Variants in ST6GALNAC3 observed in about 807,000 individuals in gnomAD.
ST6GALNAC3 encodes the protein alpha-N-acetylgalactosaminide alpha-2,6-sialyltransferase 3.
Under a neutral mutation model 32.7 loss-of-function variants are expected in ST6GALNAC3, and 25 were observed. The ratio of observed to expected loss-of-function variants is 0.76; its 90% confidence interval spans 0.56 to 1.07. The LOEUF (loss-of-function observed/expected upper bound fraction) is 1.07, where lower values mean the gene tolerates loss of function less well. Ranked by LOEUF, ST6GALNAC3 falls within the 50% of genes least tolerant of loss-of-function variation. ST6GALNAC3 has a pLI of 0.00. For missense variants in ST6GALNAC3, 355 were observed against 382.4 expected (o/e 0.93, Z 0.60); for synonymous variants, 129 against 133.1 (o/e 0.97, Z 0.21).
At chr1:76,388,517 T>C (rs1273510400) in intron 2 of ST6GALNAC3, among the ~76,000 whole-genome samples, 1 of 152,220 alleles carries the variant, frequency 6.6e-6, no homozygotes, top group Non-Finnish European at 1.5e-5. Flanking sequence ...TGTAAGGTTC[T>C]CACAGTACTG....
chr1:76,149,987 G>A (rs879578773), intron 1 of ST6GALNAC3, among the ~76,000 whole-genome samples: 1 of 152,200 alleles, frequency 6.6e-6, no homozygotes, highest in African/African-American at 2.4e-5. Flanking sequence ...CTCCTAGGAG[G>A]GACATGGTGG....
At chr1:76,270,250 T>C (rs1344003099) in intron 1 of ST6GALNAC3, among the ~76,000 whole-genome samples, 1 of 152,134 alleles carries the variant, frequency 6.6e-6, no homozygotes, top group East Asian at 1.9e-4. Context: ...CTCACATCTG[T>C]AATCCTAGCA....
At chr1:76,311,329 G>C (rs972220147) in intron 1 of ST6GALNAC3, among the ~76,000 whole-genome samples, 1 of 148,688 alleles carries the variant, frequency 6.7e-6, no homozygotes, top group South Asian at 2.3e-4. Flanking sequence ...TGTGTAGAAT[G>C]TACAGGTTTG....
intron 1 of ST6GALNAC3, among the ~76,000 whole-genome samples, chr1:76,109,905 T>C (rs936124704): frequency 1.1e-4 from 17 of 152,182 alleles, no homozygotes; most frequent in African/African-American, 3.9e-4. Flanking sequence ...ACTAACACAT[T>C]ATGAAGGTAG....
chr1:76,309,766 A>C (rs1192500490), intron 1 of ST6GALNAC3, among the ~76,000 whole-genome samples: 1 of 152,182 alleles, frequency 6.6e-6, no homozygotes, highest in Non-Finnish European at 1.5e-5. Context: ...TGTCCACTGC[A>C]GAATACCACT....
chr1:76,485,839 C>T (rs189434250), intron 3 of ST6GALNAC3, among the ~76,000 whole-genome samples: 34 of 152,248 alleles, frequency 2.2e-4, no homozygotes, highest in Middle Eastern at 3.4e-3. Context: ...TAGATCTTTC[C>T]TGCTTTCTCT....
At chr1:76,146,578 CT>C (rs1250823467) in intron 1 of ST6GALNAC3, among the ~76,000 whole-genome samples, 1 of 152,132 alleles carries the variant, frequency 6.6e-6, no homozygotes, top group Non-Finnish European at 1.5e-5. Flanking sequence ...CATTCAGTTT[CT>C]TTTCTCTCTC....
At chr1:76,620,878 G>T (rs1433942489) in intron 3 of ST6GALNAC3, among the ~76,000 whole-genome samples, 1 of 151,910 alleles carries the variant, frequency 6.6e-6, no homozygotes, top group African/African-American at 2.4e-5. Flanking sequence ...CCATTATTGG[G>T]GTTCCATTGT....
intron 3 of ST6GALNAC3, among the ~76,000 whole-genome samples, chr1:76,564,524 G>A (rs1665430464): frequency 6.6e-6 from 1 of 151,722 alleles, no homozygotes; most frequent in South Asian, 2.1e-4. Context: ...TGCCAAATTG[G>A]TGATATCAAA....
intron 3 of ST6GALNAC3, among the ~76,000 whole-genome samples, chr1:76,589,269 T>G (rs1647010259): frequency 6.6e-6 from 1 of 152,192 alleles, no homozygotes; most frequent in Non-Finnish European, 1.5e-5. Context: ...CTAAACTATT[T>G]CACATGACAA....
In ST6GALNAC3 at chr1:76,084,823, C is replaced by T. The variant is rs72674406; in HGVS notation, c.18+9939C>T. Among the ~76,000 whole-genome samples the T allele has an allele frequency of 6.0e-3, 907 of 152,246 alleles. 7 individuals carry two copies. Among genetic ancestry groups the T allele is most frequent in the South Asian group, 9.1e-3 (44 of 4,826 alleles). On this transcript the variant is annotated intron_variant, in intron 1 of 4. Coordinates refer to ENST00000328299, the MANE Select transcript of ST6GALNAC3 (RefSeq NM_152996.4). ...CATTTTTCTCATGAGATGAACATTT[C>T]GTTATAATAATGACAGTAGCTGTCA...
intron 3 of ST6GALNAC3, among the ~76,000 whole-genome samples, chr1:76,531,204 C>T (rs1237931630): frequency 6.6e-6 from 1 of 152,328 alleles, no homozygotes; most frequent in South Asian, 2.1e-4. Flanking sequence ...ACATGTCAAA[C>T]TCTTGGGCCG....
intron 1 of ST6GALNAC3, among the ~76,000 whole-genome samples, chr1:76,112,541 C>T (rs1648098473): frequency 6.6e-6 from 1 of 151,354 alleles, no homozygotes; most frequent in South Asian, 2.1e-4. Context: ...CCCTCCCGGA[C>T]GGGGTGGCTG....
chr1:76,288,618 G>A (rs1407342840), intron 1 of ST6GALNAC3, among the ~76,000 whole-genome samples: 2 of 152,210 alleles, frequency 1.3e-5, no homozygotes, highest in East Asian at 1.9e-4. Context: ...GAAGAAAACA[G>A]GTCTGGCTGA....
intron 2 of ST6GALNAC3, among the ~76,000 whole-genome samples, chr1:76,378,300 C>A (rs1456314464): frequency 1.3e-5 from 2 of 152,042 alleles, no homozygotes; most frequent in Admixed American, 6.6e-5. Context: ...GTTGATAGAT[C>A]TTTGGATAGA....
rs139966313 is a variant in ST6GALNAC3 at position 76,098,635 on chromosome 1, A to G, written c.18+23751A>G. On this transcript the variant is annotated intron_variant, in intron 1 of 4. Coordinates refer to ENST00000328299, the MANE Select transcript of ST6GALNAC3 (RefSeq NM_152996.4). ...AAAAATGGGTTCTCTTTTACCTTTT[A>G]GGGGGGTAGGAGTGTTTTATATATA... Among the ~76,000 whole-genome samples, 135 of 152,080 alleles carry G rather than the reference A, an allele frequency of 8.9e-4. 2 individuals carry two copies. In the East Asian group the frequency reaches 0.015, roughly 17 times the overall value.
intron 1 of ST6GALNAC3, among the ~76,000 whole-genome samples, chr1:76,139,124 G>A (rs996014981): frequency 7.2e-5 from 11 of 151,968 alleles, no homozygotes; most frequent in African/African-American, 2.4e-4. Flanking sequence ...AACCCGGGAG[G>A]CGGAGCTTGC....
intron 2 of ST6GALNAC3, among the ~76,000 whole-genome samples, chr1:76,339,445 A>C (rs1437822815): frequency 6.6e-6 from 1 of 152,210 alleles, no homozygotes; most frequent in East Asian, 1.9e-4. Flanking sequence ...CAGATGGAAC[A>C]CACTCCTGCT....
At chr1:76,138,544 C>T (rs1332770005) in intron 1 of ST6GALNAC3, among the ~76,000 whole-genome samples, 1 of 152,308 alleles carries the variant, frequency 6.6e-6, no homozygotes, top group East Asian at 1.9e-4. Flanking sequence ...CGCTGCAGTT[C>T]CCATGCTCTT....
Sources: allele counts gnomAD v4.1 joint callset (sites outside exome capture counted in the v4.1 genomes callset), GRCh38; gene constraint gnomAD v4.1.1; transcripts MANE v1.5; gene names NCBI Gene and HGNC (gene_info 2026-07-23, HGNC 2026-07-21).